The following PCLAF variants were observed in gnomAD, a reference collection of about 807,000 sequenced individuals.
The protein encoded by PCLAF is PCNA-associated factor.
In PCLAF, 12 loss-of-function variants were observed where a neutral mutation model predicts 15.1. That is an observed-to-expected ratio of 0.79 (90% CI 0.51 to 1.29). The LOEUF is 1.29. Ranked by LOEUF, PCLAF falls within the 50% of genes most tolerant of loss-of-function variation. PCLAF has a pLI of 0.00. For missense variants in PCLAF, 116 were observed against 130.9 expected, an observed-to-expected ratio of 0.89 and a Z score of 0.56; for synonymous variants, 33 against 47.1, an observed-to-expected ratio of 0.70 and a Z score of 1.22.
chr15:64,375,547 A>C (rs1301857150), intron 3 of PCLAF, among the ~76,000 whole-genome samples: 1 of 151,810 alleles, frequency 6.6e-6, no homozygotes, highest in Non-Finnish European at 1.5e-5. Context: ...AGTGGCTGGG[A>C]TTATAGGCGG....
At chr15:64,387,442 C>A (rs560808901) in intron 1 of PCLAF, 2 of 1,224,828 alleles carry the variant, frequency 1.6e-6, no homozygotes, top group Non-Finnish European at 2.1e-6. Context: ...AGAGCAAAAA[C>A]TTACAGCGCT....
In PCLAF at chr15:64,367,302, G is replaced by A. The variant is rs543959372; in HGVS notation, c.291-1227C>T. On this transcript the variant is annotated intron_variant, in intron 3 of 3. Transcript: ENST00000300035. ...GTGGATCACCTGAGGTCAGAAGTTC[G>A]AGACCAGCCTGGCCAACATGGTGAA... 3.2e-4 allele frequency among the ~76,000 whole-genome samples: 49 copies of A among 151,886 alleles called. No homozygotes were observed. In the South Asian group the frequency reaches 4.2e-3, roughly 13 times the overall value.
intron 1 of PCLAF, 114 bp from the exon 2 acceptor site, chr15:64,381,152 C>T: frequency 1.7e-6 from 2 of 1,199,454 alleles, no homozygotes; most frequent in African/African-American, 1.5e-5. Flanking sequence ...AGCAGGATAA[C>T]CTTACCCTGC....
intron 2 of PCLAF, among the ~76,000 whole-genome samples, chr15:64,379,164 G>A (rs1363673793): frequency 1.3e-5 from 2 of 151,854 alleles, no homozygotes; most frequent in African/African-American, 2.4e-5. Context: ...TGGACCAGAC[G>A]ATGAGATGCG....
intron 2 of PCLAF, 78 bp downstream of exon 2, chr15:64,380,880 A>G: frequency 2.3e-6 from 3 of 1,302,260 alleles, no homozygotes; most frequent in Non-Finnish European, 3.3e-6. Context: ...GAGTACCTCA[A>G]GAAAAAGAAA....
intron 3 of PCLAF, among the ~76,000 whole-genome samples, chr15:64,370,454 G>A (rs1015047233): frequency 1.3e-5 from 2 of 149,180 alleles, no homozygotes; most frequent in Non-Finnish European, 3.0e-5. Flanking sequence ...TGCAACCTCC[G>A]CCTCCCGAGT....
chr15:64,378,678 C>A (rs112934542), intron 2 of PCLAF, among the ~76,000 whole-genome samples: 1 of 151,840 alleles, frequency 6.6e-6, no homozygotes, highest in South Asian at 2.1e-4. Flanking sequence ...TTTGTGAGGC[C>A]GAGGCAGTTG....
At chr15:64,375,219 G>A (rs1899559434) in intron 3 of PCLAF, among the ~76,000 whole-genome samples, 1 of 152,082 alleles carries the variant, frequency 6.6e-6, no homozygotes, top group Non-Finnish European at 1.5e-5. Flanking sequence ...ACACCTTTCA[G>A]GTTCAAGCAA....
At chr15:64,366,164 A>G (rs1465366856) in intron 3 of PCLAF, 89 bp from the exon 4 acceptor site, 2 of 910,236 alleles carry the variant, frequency 2.2e-6, no homozygotes, top group Non-Finnish European at 1.7e-6. Context: ...CAGGAACATT[A>G]ATTAACAGTG....
chr15:64,377,845 G>A (rs1040661156), intron 2 of PCLAF, among the ~76,000 whole-genome samples: 7 of 145,228 alleles, frequency 4.8e-5, no homozygotes, highest in East Asian at 4.1e-4. Context: ...TCTGCCTCCC[G>A]GATTCAAGTG....
upstream of PCLAF, among the ~76,000 whole-genome samples, chr15:64,383,391 G>C (rs993004641): frequency 2.0e-5 from 3 of 150,806 alleles, no homozygotes; most frequent in African/African-American, 7.3e-5. Context: ...TTTTGAGATG[G>C]AGTCTCACTT....
At position 64,366,068 on chromosome 15, in the gene PCLAF, G is replaced by T; in HGVS notation, c.298C>A (p.Pro100Thr). 6.2e-7 allele frequency: 1 copy of T among 1,609,452 alleles called. No individual in the cohort carries two copies. The highest frequency in any genetic ancestry group is 8.5e-7 in the Non-Finnish European group (1 of 1,178,220). ...TCATTTGTGTGATCAGGTTGCAAAGGACATGCTCTGTGAAAAGAAGAGAGA... is the reference window on the plus strand; with the variant it reads ...TCATTTGTGTGATCAGGTTGCAAAGTACATGCTCTGTGAAAAGAAGAGAGA... ...GLGKAKRKAC[P>T]LQPDHTNDEK... The change falls in exon 4 of 4, where the codon CCT (proline) becomes ACT (threonine). Residue 100 changes from proline to threonine, a missense_variant. By Grantham distance (38) the Pro-to-Thr change is conservative. Coordinates refer to ENST00000300035, the MANE Select transcript of PCLAF (RefSeq NM_014736.6).
chr15:64,381,126 C>T lies in PCLAF; in HGVS notation c.47-88G>A. 4 of 1,341,482 alleles carry T rather than the reference C, an allele frequency of 3.0e-6. No homozygotes were observed. In the South Asian group the frequency reaches 4.8e-5, roughly 16 times the overall value. The allele number at this position is 1,341,482 out of a possible 1,614,324, so 83.1% of individuals were successfully genotyped here. A position where few individuals can be genotyped will look rare whatever the true frequency, so the allele number is the denominator to read the frequency against. ...GACCCCAGCAGCTTGGAGAGGAGAGCCTGGCGATCCAGAACAGCAGGATAA... is the reference window on the plus strand; with the variant it reads ...GACCCCAGCAGCTTGGAGAGGAGAGTCTGGCGATCCAGAACAGCAGGATAA... On this transcript the variant is annotated intron_variant, in intron 1 of 3. Coordinates refer to ENST00000300035, the MANE Select transcript of PCLAF (RefSeq NM_014736.6).
At chr15:64,373,786 G>A (rs1899463513) in intron 3 of PCLAF, 1 of 1,535,092 alleles carries the variant, frequency 6.5e-7, no homozygotes, top group Non-Finnish European at 8.7e-7. Context: ...GAGATAGCAA[G>A]TAGGGTCTTA....
At chr15:64,387,060 T>C (rs1899957623) in intron 1 of PCLAF, among the ~76,000 whole-genome samples, 2 of 152,048 alleles carry the variant, frequency 1.3e-5, no homozygotes, top group South Asian at 4.1e-4. Context: ...TACTGTTTTT[T>C]ACCCTCGAGC....
intron 3 of PCLAF, among the ~76,000 whole-genome samples, chr15:64,366,846 G>A (rs1331798026): frequency 6.6e-6 from 1 of 152,050 alleles, no homozygotes; most frequent in African/African-American, 2.4e-5. Context: ...GGGGGTGTGT[G>A]CCTGTAATCC....
At chr15:64,368,221 T>C (rs1409850558) in intron 3 of PCLAF, among the ~76,000 whole-genome samples, 1 of 152,068 alleles carries the variant, frequency 6.6e-6, no homozygotes, top group South Asian at 2.1e-4. Flanking sequence ...GACGCGTGCC[T>C]GTAATCCCAG....
At chr15:64,377,497 A>T (rs1349493758) in intron 2 of PCLAF, among the ~76,000 whole-genome samples, 2 of 31,570 alleles carry the variant, frequency 6.3e-5, no homozygotes, top group African/African-American at 2.6e-4. Flanking sequence ...AAATATATAT[A>T]TATATATATA....
At chr15:64,374,135 C>A (rs957131017) in intron 3 of PCLAF, among the ~76,000 whole-genome samples, 8 of 152,116 alleles carry the variant, frequency 5.3e-5, no homozygotes, top group Non-Finnish European at 1.0e-4. Context: ...AGTACATATA[C>A]ATGTATTTAC....
Sources: gnomAD v4.1 joint callset for allele counts (sites outside exome capture counted in the v4.1 genomes callset) on GRCh38, gnomAD v4.1.1 for gene constraint, MANE v1.5 for transcripts, NCBI Gene and HGNC (gene_info 2026-07-23, HGNC 2026-07-21) for gene names.